Variants in KCNA2 observed in about 807,000 individuals in gnomAD.
The protein encoded by KCNA2 is potassium channel, voltage gated shaker related subfamily A, member 2.
A neutral mutation model predicts 33.4 loss-of-function variants in KCNA2; 11 were observed. The observed-to-expected ratio is 0.33, with a 90% confidence interval of 0.21 to 0.55. The LOEUF (loss-of-function observed/expected upper bound fraction) is 0.55. KCNA2 is among the 20% of genes least tolerant of loss of function. KCNA2 has a pLI of 0.93. For synonymous variants in KCNA2, 222 were observed against 231.3 expected, an observed-to-expected ratio of 0.96 and a Z score of 0.37; for missense variants, 291 against 621.6, an observed-to-expected ratio of 0.47 and a Z score of 5.66.
At chr1:110,629,887 A>G (rs1259419398) in intron 1 of KCNA2, among the ~76,000 whole-genome samples, 1 of 152,228 alleles carries the variant, frequency 6.6e-6, no homozygotes, top group East Asian at 1.9e-4. Flanking sequence ...TAAAAGAAAG[A>G]AAAGGGTATT....
chr1:110,627,837 A>T (rs1157126727), intron 1 of KCNA2, among the ~76,000 whole-genome samples: 3 of 152,122 alleles, frequency 2.0e-5, no homozygotes, highest in African/African-American at 7.2e-5. Context: ...TCAAAAAAAA[A>T]AAAAATAATA....
In KCNA2 at chr1:110,603,299, A is replaced by G. The variant is rs1395564002; in HGVS notation, c.1484T>C (p.Met495Thr). 1.2e-6 allele frequency: 2 copies of G among 1,605,424 alleles called. No individual in the cohort carries two copies. Among genetic ancestry groups the G allele is most frequent in the Non-Finnish European group, 1.7e-6 (2 of 1,175,992 alleles). ...ANTNYVNITK[M>T]LTDV ...AGGTTTCAATCAGACATCAGTTAAC[A>G]TTTTGGTAATATTCACATAGTTTGT... The change falls in exon 3 of 3, where the codon ATG becomes ACG. Residue 495 changes from methionine to threonine, a missense_variant. Physicochemically the swap from Met to Thr is moderately conservative, Grantham distance 81. Around this residue, in one of 5 missense-constraint regions of KCNA2, gnomAD observed 65 missense variants for 95.1 expected, o/e 0.68. Coordinates refer to ENST00000316361, the MANE Select transcript of KCNA2 (RefSeq NM_004974.4). The surrounding 1 kb of genome is among the most constrained non-coding windows in gnomAD (Gnocchi z 5.7).
At chr1:110,614,647 A>G (rs568313494) in intron 1 of KCNA2, among the ~76,000 whole-genome samples, 1 of 152,340 alleles carries the variant, frequency 6.6e-6, no homozygotes, top group Non-Finnish European at 1.5e-5. Flanking sequence ...GTAAAATGGG[A>G]AAGCTGGGCT....
chr1:110,620,472 A>G (rs761551571), intron 1 of KCNA2, among the ~76,000 whole-genome samples: 1 of 150,548 alleles, frequency 6.6e-6, no homozygotes, highest in Non-Finnish European at 1.5e-5. Flanking sequence ...TGTCTTTCCC[A>G]TTGCGCCTTC....
In KCNA2 at chr1:110,599,444, AG is replaced by A. The variant is rs1450884638; in HGVS notation, c.*3838del. 2.0e-5 allele frequency: 20 copies of A among 985,096 alleles called. No homozygotes were observed. In the African/African-American group the frequency reaches 3.5e-4, roughly 17 times the overall value. 61.0% of individuals were successfully genotyped at this position (985,096 alleles called of 1,614,324 possible). ...GTTGCATAGCAATTGGATGGGAGGC[AG>A]GGCATCCAGGGGAGCCCAACAAGAG... On this transcript the variant is annotated 3_prime_UTR_variant, in exon 3 of 3. Transcript: ENST00000316361.
rs1649080433 is a variant in KCNA2, at chr1:110,595,946, G to A, written c.*7337C>T. The A allele has an allele frequency of 3.0e-6, 3 of 985,226 alleles. No homozygotes were observed. Among genetic ancestry groups the A allele is most frequent in the South Asian group, 4.7e-5 (1 of 21,284 alleles). The allele number at this position is 985,226 out of a possible 1,614,324, so 61.0% of individuals were successfully genotyped here. A position where few individuals can be genotyped will look rare whatever the true frequency, so the allele number is the denominator to read the frequency against. On this transcript the variant is annotated 3_prime_UTR_variant, in exon 3 of 3. Transcript: ENST00000316361. ...GGTCTTCAAGCTTTCCACTCCCCTC[G>A]AGTACAAAGTTTGGAATAACTTTTC...
chr1:110,620,116 G>T (rs1198238687), intron 1 of KCNA2, among the ~76,000 whole-genome samples: 1 of 150,474 alleles, frequency 6.6e-6, no homozygotes, highest in African/African-American at 2.5e-5. Context: ...GAGAAATTTG[G>T]TGGGTAAGAC....
At chr1:110,611,726 GA>G (rs11378342) in intron 1 of KCNA2, among the ~76,000 whole-genome samples, 23,991 of 137,258 alleles carry the variant, frequency 0.17, 2,584 homozygotes, top group Admixed American at 0.31. Context: ...ATCCTGTCTT[GA>G]AAAAAAAAAA....
At chr1:110,615,709 T>A (rs1232928919) in intron 1 of KCNA2, among the ~76,000 whole-genome samples, 2 of 152,186 alleles carry the variant, frequency 1.3e-5, no homozygotes, top group African/African-American at 4.8e-5. Flanking sequence ...GGCTAAATCA[T>A]CCTGGCATTC....
chr1:110,596,656 C>T lies in KCNA2; in HGVS notation c.*6627G>A, dbSNP rs1410182995. 1 of 853,360 alleles carries T rather than the reference C, an allele frequency of 1.2e-6. No homozygotes were observed. The highest frequency in any genetic ancestry group is 1.8e-5 in the African/African-American group (1 of 54,506). The allele number at this position is 853,360 out of a possible 1,614,324, so 52.9% of individuals were successfully genotyped here. On this transcript the variant is annotated 3_prime_UTR_variant, in exon 3 of 3. Coordinates refer to ENST00000316361, the MANE Select transcript of KCNA2 (RefSeq NM_004974.4). ...GTCCCTGTTATCTTCAAACACTCTA[C>T]TTAACTAAGGCAGGAAAGTTATGCT...
At chr1:110,629,033 T>C (rs1035642594) in intron 1 of KCNA2, among the ~76,000 whole-genome samples, 1 of 152,206 alleles carries the variant, frequency 6.6e-6, no homozygotes, top group African/African-American at 2.4e-5. Context: ...TTGCATTTGA[T>C]ATCATTCATG....
At position 110,624,437 on chromosome 1, in the gene KCNA2, A is replaced by G. The variant is rs114736453; in HGVS notation, c.-496+6958T>C. 2.1e-3 allele frequency among the ~76,000 whole-genome samples: 318 copies of G among 152,400 alleles called. 3 individuals are homozygous for G. Among genetic ancestry groups the G allele is most frequent in the African/African-American group, 7.3e-3 (303 of 41,608 alleles). On this transcript the variant is annotated intron_variant, in intron 1 of 4. Coordinates refer to the KCNA2 transcript ENST00000369770. ...CCTGTGAAATTGCCAGAAATGGCAC[A>G]TCTATAGAGAAATAAAGCAGAACAG...
At chr1:110,616,641 G>A (rs1287303030) in intron 1 of KCNA2, among the ~76,000 whole-genome samples, 1 of 152,216 alleles carries the variant, frequency 6.6e-6, no homozygotes, top group African/African-American at 2.4e-5. Flanking sequence ...ACAGAGGCAG[G>A]TGCTATGTTC....
intron 1 of KCNA2, among the ~76,000 whole-genome samples, chr1:110,628,881 G>A (rs1359736894): frequency 1.3e-5 from 2 of 152,084 alleles, no homozygotes; most frequent in Non-Finnish European, 2.9e-5. Flanking sequence ...ATTGTTTATT[G>A]AATACATGGA....
rs1649101046 is a variant in KCNA2, at chr1:110,596,373, A to G, written c.*6910T>C. 3.0e-6 allele frequency: 1 copy of G among 337,742 alleles called. No individual in the cohort carries two copies. 20.9% of individuals were successfully genotyped at this position (337,742 alleles called of 1,614,324 possible). A position where few individuals can be genotyped will look rare whatever the true frequency, so the allele number is the denominator to read the frequency against. ...TATACACACATAAATATATGTATATATGGAAAACCTCTAAAAACTCAGGAC... is the reference window on the plus strand; with the variant it reads ...TATACACACATAAATATATGTATATGTGGAAAACCTCTAAAAACTCAGGAC... On this transcript the variant is annotated 3_prime_UTR_variant, in exon 3 of 3. Coordinates refer to ENST00000316361, the MANE Select transcript of KCNA2 (RefSeq NM_004974.4).
rs1405342568 is a variant in KCNA2, at chr1:110,604,857, T to C, written c.-75A>G. Reference sequence around the variant, plus strand: ...GGCAGGGAGCTCAGGGTGCTGCTACTGGCCCCAGGAAGCACAGGAGCATTG... The same window carrying C: ...GGCAGGGAGCTCAGGGTGCTGCTACCGGCCCCAGGAAGCACAGGAGCATTG... On this transcript the variant is annotated 5_prime_UTR_variant, in exon 3 of 3. Coordinates refer to ENST00000316361, the MANE Select transcript of KCNA2 (RefSeq NM_004974.4). The surrounding 1 kb of genome is among the most constrained non-coding windows in gnomAD (Gnocchi z 7.6). The C allele has an allele frequency of 1.4e-6, 2 of 1,400,440 alleles. No homozygotes were observed. Among genetic ancestry groups the C allele is most frequent in the East Asian group, 4.6e-5 (2 of 43,704 alleles). 86.8% of individuals were successfully genotyped at this position (1,400,440 alleles called of 1,614,324 possible).
intron 1 of KCNA2, among the ~76,000 whole-genome samples, chr1:110,617,621 G>C (rs1650109153): frequency 6.6e-6 from 1 of 152,204 alleles, no homozygotes; most frequent in South Asian, 2.1e-4. Flanking sequence ...CAGGCCATTT[G>C]TTCAATAGGT....
rs1650554168 is a variant in KCNA2, at chr1:110,631,281, ACCC to A, written c.-496+111_-496+113del. 3 of 152,328 alleles carry A rather than the reference ACCC, an allele frequency of 2.0e-5. 1 individual carries two copies. In the South Asian group the frequency reaches 6.2e-4, roughly 32 times the overall value. The allele number at this position is 152,328 out of a possible 1,614,324, so 9.4% of individuals were successfully genotyped here. ...CGCAGCTCGCCTCACTCTTTGCTGC[ACCC>A]CAGCAATGGCCTACCAGTCACCTCC... On this transcript the variant is annotated intron_variant, in intron 1 of 4. Coordinates refer to the KCNA2 transcript ENST00000369770.
chr1:110,610,877 A>G (rs1649840875), upstream of KCNA2, among the ~76,000 whole-genome samples: 1 of 152,210 alleles, frequency 6.6e-6, no homozygotes, highest in African/African-American at 2.4e-5. Flanking sequence ...AGGGGAGGAC[A>G]AGGCAAGGCA....
Sources: allele counts gnomAD v4.1 joint callset (sites outside exome capture counted in the v4.1 genomes callset), GRCh38; gene constraint gnomAD v4.1.1; regional missense constraint gnomAD v4.1.1; non-coding constraint Gnocchi (gnomAD v3.1); transcripts MANE v1.5; gene names NCBI Gene and HGNC (gene_info 2026-07-23, HGNC 2026-07-21).